The following MED1 variants were observed in gnomAD, a reference collection of about 807,000 sequenced individuals.
The protein encoded by MED1 is mediator complex subunit 1.
A neutral mutation model predicts 121.3 loss-of-function variants in MED1; 17 were observed. The ratio of observed to expected loss-of-function variants is 0.14; its 90% CI spans 0.10 to 0.21. MED1 has a LOEUF of 0.21. Among genes scored for constraint, MED1 ranks in the 10% least tolerant of loss-of-function variants. The probability of loss-of-function intolerance (pLI) is 1.00; values close to 1 mark genes in which losing one functional copy is unlikely to be tolerated. For synonymous variants in MED1, 661 were observed against 694.4 expected (o/e 0.95, Z 0.76); for missense variants, 1,558 against 1,919.4 (o/e 0.81, Z 3.52).
chr17:39,432,291 CAA>C (rs2048572130), intron 7 of MED1, among the ~76,000 whole-genome samples: 1 of 121,154 alleles, frequency 8.3e-6, no homozygotes, highest in Non-Finnish European at 1.6e-5. Context: ...TGCAGTGAGC[CAA>C]GATCATACCA....
chr17:39,419,168 G>A (rs562720390), intron 14 of MED1, among the ~76,000 whole-genome samples: 10 of 152,080 alleles, frequency 6.6e-5, no homozygotes, highest in African/African-American at 2.4e-4. Context: ...TGCAATCTCT[G>A]CCTCCCAGGC....
intron 14 of MED1, among the ~76,000 whole-genome samples, chr17:39,415,715 G>A (rs2048402310): frequency 1.3e-5 from 2 of 151,536 alleles, no homozygotes; most frequent in Admixed American, 6.6e-5. Flanking sequence ...TACTCGGGAG[G>A]CTGAGGCAGG....
At chr17:39,430,624 C>T (rs894783340) in intron 9 of MED1, among the ~76,000 whole-genome samples, 4 of 148,428 alleles carry the variant, frequency 2.7e-5, no homozygotes, top group Admixed American at 6.8e-5. Flanking sequence ...ACCTGGGAGG[C>T]GGAGCTTGCA....
Position 39,405,557 on chromosome 17 carries a change from T to TA in MED1, c.*1917dup. On this transcript the variant is annotated 3_prime_UTR_variant, in exon 17 of 17. Coordinates refer to ENST00000300651, the MANE Select transcript of MED1 (RefSeq NM_004774.4). Reference sequence around the variant, plus strand: ...CCTGGCTGAATGTCTGAGAGGCTGCTACTGTATCAACATCACAAGATAAAG... The same window carrying TA: ...CCTGGCTGAATGTCTGAGAGGCTGCTAACTGTATCAACATCACAAGATAAAG... 2.2e-6 allele frequency: 3 copies of TA among 1,339,318 alleles called. No individual in the cohort carries two copies. The highest frequency in any genetic ancestry group is 2.9e-6 in the Non-Finnish European group (3 of 1,043,944). The allele number at this position is 1,339,318 out of a possible 1,614,324, so 83.0% of individuals were successfully genotyped here.
chr17:39,443,757 G>C (rs1448220719), intron 2 of MED1, 129 bp from the exon 3 acceptor site: 2 of 705,008 alleles, frequency 2.8e-6, no homozygotes, highest in Non-Finnish European at 4.9e-6. Flanking sequence ...TATAGATTTT[G>C]TAGACTATAT....
chr17:39,440,021 A>AAGGAAGGAAGGAAGGAAG lies in MED1; in HGVS notation c.399+364_399+365insCTTCCTTCCTTCCTTCCT, dbSNP rs1567652006. On this transcript the variant is annotated intron_variant, in intron 5 of 16. Transcript: ENST00000300651. This position sits in a 1 kb window ranked among gnomAD's most constrained non-coding sequence, Gnocchi z 4.1. ...AGGAAGGAAGGAAGGAAGGAAGGAA[A>AAGGAAGGAAGGAAGGAAG]GAAAGAAAGAAAGAGAGAAAGAGAA... Among the ~76,000 whole-genome samples, 81 of 74,700 alleles carry AAGGAAGGAAGGAAGGAAG rather than the reference A, an allele frequency of 1.1e-3. No homozygotes were observed. The highest frequency in any genetic ancestry group is 1.7e-3 in the Non-Finnish European group (52 of 29,904). The allele number at this position is 74,700 out of a possible 152,430, so 49.0% of individuals were successfully genotyped here.
chr17:39,436,679 C>T (rs370958239), intron 6 of MED1, among the ~76,000 whole-genome samples: 2 of 152,024 alleles, frequency 1.3e-5, no homozygotes, highest in Non-Finnish European at 2.9e-5. Flanking sequence ...AAAATCAAAG[C>T]GAAAAAGTTA....
Position 39,425,722 on chromosome 17 carries a change from A to C in MED1, c.740-984T>G, listed in dbSNP as rs192593223. On this transcript the variant is annotated intron_variant, in intron 10 of 16. Transcript: ENST00000300651. ...GAGGCTGAGGCAGGAGAATCACTTGAACCTGGGGGGCGGAGGTTGCAGTGA... is the reference window on the plus strand; with the variant it reads ...GAGGCTGAGGCAGGAGAATCACTTGCACCTGGGGGGCGGAGGTTGCAGTGA... 2.9e-3 allele frequency among the ~76,000 whole-genome samples: 434 copies of C among 151,936 alleles called. 2 individuals carry two copies. In the Middle Eastern group the frequency reaches 0.065, roughly 23 times the overall value.
chr17:39,437,799 T>G (rs2048633903), intron 6 of MED1, among the ~76,000 whole-genome samples: 2 of 151,688 alleles, frequency 1.3e-5, no homozygotes, highest in Admixed American at 6.6e-5. Flanking sequence ...CAGGGCGTGG[T>G]AGCACATGCC....
rs2048297385 is a variant in MED1 at position 39,405,660 on chromosome 17, T to C, written c.*1815A>G. On this transcript the variant is annotated 3_prime_UTR_variant, in exon 17 of 17. Coordinates refer to ENST00000300651, the MANE Select transcript of MED1 (RefSeq NM_004774.4). ...CTCTGATGTGGTTAATTGATAACTT[T>C]TCTTGCTCCACTTTACAATGTTTTG... is the stretch of plus-strand genomic sequence containing the variant. 9.7e-7 allele frequency: 1 copy of C among 1,030,270 alleles called. No individual in the cohort carries two copies. Among genetic ancestry groups the C allele is most frequent in the Non-Finnish European group, 1.2e-6 (1 of 858,716 alleles). The allele number at this position is 1,030,270 out of a possible 1,614,324, so 63.8% of individuals were successfully genotyped here. A position where few individuals can be genotyped will look rare whatever the true frequency, so the allele number is the denominator to read the frequency against.
At chr17:39,438,290 C>A (rs375890209) in intron 6 of MED1, among the ~76,000 whole-genome samples, 1 of 151,004 alleles carries the variant, frequency 6.6e-6, no homozygotes, top group East Asian at 1.9e-4. Context: ...TCTGCCTCAG[C>A]CTCCCGAGTA....
intron 7 of MED1, among the ~76,000 whole-genome samples, chr17:39,432,832 A>C (rs1011331780): frequency 1.3e-5 from 2 of 152,108 alleles, no homozygotes; most frequent in Admixed American, 6.6e-5. Context: ...TGGGAGGCCG[A>C]AGCGGGTAGA....
At chr17:39,435,424 T>A (rs1409418147) in intron 6 of MED1, among the ~76,000 whole-genome samples, 1 of 151,984 alleles carries the variant, frequency 6.6e-6, no homozygotes, top group East Asian at 1.9e-4. Context: ...TGGGCTTTTG[T>A]GGATAGGTTT....
intron 9 of MED1, among the ~76,000 whole-genome samples, chr17:39,430,576 C>A (rs1278350468): frequency 6.6e-6 from 1 of 151,810 alleles, no homozygotes; most frequent in Non-Finnish European, 1.5e-5. Context: ...GCCTGTAGTC[C>A]CAGCTACCCT....
chr17:39,422,510 CTT>C (rs1474898361), intron 13 of MED1, among the ~76,000 whole-genome samples: 2 of 120,906 alleles, frequency 1.7e-5, no homozygotes, highest in South Asian at 3.2e-4. Flanking sequence ...GAATTTCGCT[CTT>C]GTTGCCCAGG....
chr17:39,449,809 CTTT>C (rs71147334), intron 1 of MED1, among the ~76,000 whole-genome samples: 6 of 61,620 alleles, frequency 9.7e-5, no homozygotes, highest in South Asian at 1.0e-3. Flanking sequence ...CACACCCGGC[CTTT>C]TTTTTTTTTT....
chr17:39,444,831 T>C (rs764765513), intron 2 of MED1, among the ~76,000 whole-genome samples: 1 of 151,906 alleles, frequency 6.6e-6, no homozygotes, highest in Non-Finnish European at 1.5e-5. Flanking sequence ...ACCACACCAT[T>C]GCACTCCAAC....
chr17:39,437,753 G>A (rs770207351), intron 6 of MED1, among the ~76,000 whole-genome samples: 2 of 151,820 alleles, frequency 1.3e-5, no homozygotes, highest in East Asian at 1.9e-4. Context: ...TGGGCAACAC[G>A]GTGAAACCCC....
intron 2 of MED1, among the ~76,000 whole-genome samples, chr17:39,447,391 CAAT>C (rs1337410600): frequency 1.0e-4 from 7 of 69,270 alleles, no homozygotes; most frequent in Non-Finnish European, 2.4e-4. Context: ...AACTCCGTCT[CAAT>C]AAAAAAAAAA....
Sources: allele counts gnomAD v4.1 joint callset (sites outside exome capture counted in the v4.1 genomes callset), GRCh38; gene constraint gnomAD v4.1.1; non-coding constraint Gnocchi (gnomAD v3.1); transcripts MANE v1.5; gene names NCBI Gene and HGNC (gene_info 2026-07-23, HGNC 2026-07-21).